CARM1: variants seen among roughly 807,000 people sequenced by gnomAD.
The protein encoded by CARM1 is coactivator associated arginine methyltransferase 1, also known as histone-arginine methyltransferase CARM1.
A neutral mutation model predicts 72.7 loss-of-function variants in CARM1; 14 were observed. That is an observed-to-expected ratio of 0.19 (90% CI 0.13 to 0.30). The LOEUF (loss-of-function observed/expected upper bound fraction) is 0.30. CARM1 is among the 10% of genes least tolerant of loss of function. CARM1 has a pLI of 1.00. For missense variants in CARM1, 432 were observed against 833.7 expected, an observed-to-expected ratio of 0.52 and a Z score of 5.93; for synonymous variants, 333 against 345.5, an observed-to-expected ratio of 0.96 and a Z score of 0.40.
chr19:10,903,165 T>G (rs2074078709), intron 1 of CARM1, among the ~76,000 whole-genome samples: 1 of 152,182 alleles, frequency 6.6e-6, no homozygotes, highest in Admixed American at 6.6e-5. Context: ...AAAAATCAAT[T>G]GAGGATAAGT....
At position 10,922,804 on chromosome 19, in the gene CARM1, CT is replaced by C. The variant is rs1387898533; in HGVS notation, c.*1048del. On this transcript the variant is annotated 3_prime_UTR_variant, in exon 16 of 16. Transcript: ENST00000327064. Reference sequence around the variant, plus strand: ...GCAGTTTTCTTCTCCTTCTGCTCCCCTGTTTCTCATACCCCCAAACTCAGAT... The same window carrying C: ...GCAGTTTTCTTCTCCTTCTGCTCCCCGTTTCTCATACCCCCAAACTCAGAT... 1 of 153,596 alleles carries C rather than the reference CT, an allele frequency of 6.5e-6. No individual in the cohort carries two copies. The highest frequency in any genetic ancestry group is 2.4e-5 in the African/African-American group (1 of 41,512). The allele number at this position is 153,596 out of a possible 1,614,324, so 9.5% of individuals were successfully genotyped here. A position where few individuals can be genotyped will look rare whatever the true frequency, so the allele number is the denominator to read the frequency against.
At chr19:10,903,210 A>G (rs1035093530) in intron 1 of CARM1, among the ~76,000 whole-genome samples, 4 of 152,184 alleles carry the variant, frequency 2.6e-5, no homozygotes, top group African/African-American at 7.2e-5. Flanking sequence ...ATTCTGTTCC[A>G]TTGATCTGTG....
chr19:10,911,359 G>T (rs1480129275), intron 4 of CARM1, among the ~76,000 whole-genome samples: 1 of 152,162 alleles, frequency 6.6e-6, no homozygotes, highest in Admixed American at 6.5e-5. Context: ...GGGAGGAGTT[G>T]TCTTGACACA....
At chr19:10,909,264 T>C in intron 4 of CARM1, 57 bp downstream of exon 4, 1 of 1,089,020 alleles carries the variant, frequency 9.2e-7, no homozygotes, top group Non-Finnish European at 1.4e-6. Context: ...TTTTTTTTCT[T>C]TGCTCATTGA....
At chr19:10,876,001 G>A (rs2073861793) in intron 1 of CARM1, among the ~76,000 whole-genome samples, 1 of 151,626 alleles carries the variant, frequency 6.6e-6, no homozygotes, top group African/African-American at 2.4e-5. Flanking sequence ...CAAAGTCCTG[G>A]GATTACAGGG....
At chr19:10,883,031 C>G (rs1480556614) in intron 1 of CARM1, among the ~76,000 whole-genome samples, 1 of 152,046 alleles carries the variant, frequency 6.6e-6, no homozygotes, top group Non-Finnish European at 1.5e-5. Flanking sequence ...GTCAGCCCTG[C>G]TACTCTCTGC....
At chr19:10,898,673 G>A (rs533540964) in intron 1 of CARM1, among the ~76,000 whole-genome samples, 2 of 152,342 alleles carry the variant, frequency 1.3e-5, no homozygotes, top group Admixed American at 1.3e-4. Context: ...GGCGAGCACT[G>A]AATCGCCACT....
At chr19:10,921,199 TG>T (rs2074243555) in intron 14 of CARM1, 72 bp downstream of exon 14, 1 of 1,524,674 alleles carries the variant, frequency 6.6e-7, no homozygotes, top group African/African-American at 1.4e-5. Flanking sequence ...GAAGGGCCTG[TG>T]GTGACCAGGG....
At chr19:10,874,361 GT>G (rs1320139559) in intron 1 of CARM1, among the ~76,000 whole-genome samples, 2 of 151,190 alleles carry the variant, frequency 1.3e-5, no homozygotes, top group African/African-American at 4.8e-5. Flanking sequence ...ACACTTTTTT[GT>G]TTTTTTTCTT....
At chr19:10,887,518 G>A (rs1193603536) in intron 1 of CARM1, among the ~76,000 whole-genome samples, 1 of 152,152 alleles carries the variant, frequency 6.6e-6, no homozygotes, top group Admixed American at 6.5e-5. Context: ...CCTGGGACCT[G>A]GCAGAGGGCC....
chr19:10,921,317 G>T (rs1473378664), intron 14 of CARM1, 58 bp from the exon 15 acceptor site: 2 of 1,586,856 alleles, frequency 1.3e-6, no homozygotes, highest in Admixed American at 1.7e-5. Context: ...GCATGGGCTG[G>T]GTGGCTGGGG....
At chr19:10,921,228 C>CT in intron 14 of CARM1, 101 bp downstream of exon 14, 1 of 1,442,014 alleles carries the variant, frequency 6.9e-7, no homozygotes, top group Non-Finnish European at 9.7e-7. Context: ...CTGCTTGGTC[C>CT]TTTCACCTTT....
chr19:10,894,716 G>GT (rs71164131), intron 1 of CARM1, among the ~76,000 whole-genome samples: 4,618 of 135,870 alleles, frequency 0.034, 105 homozygotes, highest in Admixed American at 0.041. Flanking sequence ...ACCTCCTTGT[G>GT]TTTTTTTTTT....
rs1010672629 is a variant in CARM1 at position 10,915,803 on chromosome 19, C to T, written c.848-604C>T. Among the ~76,000 whole-genome samples the T allele has an allele frequency of 1.3e-5, 2 of 152,192 alleles. No homozygotes were observed. Among genetic ancestry groups the T allele is most frequent in the African/African-American group, 4.8e-5 (2 of 41,446 alleles). On this transcript the variant is annotated intron_variant, in intron 6 of 15. Coordinates refer to ENST00000327064, the MANE Select transcript of CARM1 (RefSeq NM_199141.2). The surrounding 1 kb of genome is among the most constrained non-coding windows in gnomAD (Gnocchi z 4.6). ...ACTGGCCCTGACTCATGCGTCTACC[C>T]TTGAGTCACAGAGGGAGGCCCTGCC...
intron 2 of CARM1, among the ~76,000 whole-genome samples, chr19:10,907,459 C>T (rs930644001): frequency 6.6e-6 from 1 of 151,790 alleles, no homozygotes; most frequent in Admixed American, 6.6e-5. Flanking sequence ...TGTTTTTTAA[C>T]GAGGCAGGGT....
chr19:10,886,148 C>G, intron 1 of CARM1, among the ~76,000 whole-genome samples: 1 of 151,690 alleles, frequency 6.6e-6, no homozygotes, highest in South Asian at 2.1e-4. Flanking sequence ...CCTCCACCTC[C>G]TGGGTTCAAG....
At chr19:10,892,179 G>T (rs376054339) in intron 1 of CARM1, among the ~76,000 whole-genome samples, 1 of 152,212 alleles carries the variant, frequency 6.6e-6, no homozygotes, top group Non-Finnish European at 1.5e-5. Context: ...TTAATTGATG[G>T]ATATTTAGGT....
intron 1 of CARM1, among the ~76,000 whole-genome samples, chr19:10,886,688 G>A (rs917177336): frequency 3.9e-5 from 6 of 152,006 alleles, no homozygotes; most frequent in Non-Finnish European, 8.8e-5. Context: ...AAATTTAGCC[G>A]GGTGCAGTGG....
intron 1 of CARM1, among the ~76,000 whole-genome samples, chr19:10,880,513 A>ATTTT (rs34015668): frequency 1.0e-4 from 14 of 136,254 alleles, no homozygotes; most frequent in Non-Finnish European, 1.4e-4. Context: ...TGCCTGGCTA[A>ATTTT]TTTTTTTTTT....
Sources: gnomAD v4.1 joint callset for allele counts (sites outside exome capture counted in the v4.1 genomes callset) on GRCh38, gnomAD v4.1.1 for gene constraint, Gnocchi (gnomAD v3.1) non-coding constraint, MANE v1.5 for transcripts, NCBI Gene and HGNC (gene_info 2026-07-23, HGNC 2026-07-21) for gene names.